TXNRD2: variants seen among roughly 807,000 people sequenced by gnomAD.
TXNRD2 encodes thioredoxin reductase 2.
A neutral mutation model predicts 70.8 loss-of-function variants in TXNRD2; 67 were observed. The observed-to-expected ratio is 0.95, with a 90% CI of 0.78 to 1.16. TXNRD2 has a LOEUF of 1.16. TXNRD2 is among the 50% of genes most tolerant of loss of function. TXNRD2 has a pLI of 0.00. For missense variants in TXNRD2, 644 were observed against 719.9 expected (o/e 0.89, Z 1.21); for synonymous variants, 301 against 295.8 (o/e 1.02, Z -0.18).
At chr22:19,887,507 C>T (rs1425105770) in intron 11 of TXNRD2, 3 of 152,260 alleles carry the variant, frequency 2.0e-5, no homozygotes, top group Non-Finnish European at 2.9e-5. Context: ...AGGGCCTCCA[C>T]ACGGGCCAAT....
rs148858157 is a variant in TXNRD2, at chr22:19,896,769, C to T, written c.775-1188G>A. Among the ~76,000 whole-genome samples, 11 of 152,314 alleles carry T rather than the reference C, an allele frequency of 7.2e-5. No individual in the cohort carries two copies. The East Asian group carries it at 1.7e-3, about 24-fold the overall frequency. On this transcript the variant is annotated intron_variant, in intron 10 of 17. Transcript: ENST00000400521. ...CTGCTAACATCCTCTGACACCTGTGCGGGTGTGCCAGCTGGCTCTAGATGG... is the reference window on the plus strand; with the variant it reads ...CTGCTAACATCCTCTGACACCTGTGTGGGTGTGCCAGCTGGCTCTAGATGG...
intron 2 of TXNRD2, among the ~76,000 whole-genome samples, chr22:19,926,874 G>A (rs551681942): frequency 7.2e-4 from 110 of 152,334 alleles, no homozygotes; most frequent in African/African-American, 2.5e-3. Flanking sequence ...GCCAGGGGCT[G>A]GGGAGAGGGG....
intron 10 of TXNRD2, 119 bp from the exon 11 acceptor site, chr22:19,895,700 G>C (rs957582722): frequency 2.2e-5 from 26 of 1,157,548 alleles, no homozygotes; most frequent in Non-Finnish European, 3.1e-5. Flanking sequence ...CGGAAGACGG[G>C]GTGAGACACC....
intron 1 of TXNRD2, among the ~76,000 whole-genome samples, chr22:19,938,539 T>G (rs1569118706): frequency 6.6e-6 from 1 of 152,190 alleles, no homozygotes; most frequent in Non-Finnish European, 1.5e-5. Flanking sequence ...CCTCCTGGCT[T>G]AAACATCCCA....
intron 7 of TXNRD2, among the ~76,000 whole-genome samples, chr22:19,912,466 C>T (rs1940456523): frequency 1.3e-5 from 2 of 152,186 alleles, no homozygotes; most frequent in African/African-American, 4.8e-5. Flanking sequence ...CCGTGAGGTG[C>T]AGAGCAGGGC....
chr22:19,933,624 AAC>A, intron 1 of TXNRD2: 1 of 647,758 alleles, frequency 1.5e-6, no homozygotes, highest in South Asian at 1.8e-5. Flanking sequence ...CGGGCTGATA[AAC>A]ACTGGCATAG....
In TXNRD2 at chr22:19,903,174, G is replaced by T. The variant is rs1253361059; in HGVS notation, c.663-4106C>A. Among the ~76,000 whole-genome samples the T allele has an allele frequency of 2.0e-5, 3 of 152,350 alleles. No homozygotes were observed. The South Asian group carries it at 6.2e-4, about 32-fold the overall frequency. On this transcript the variant is annotated intron_variant, in intron 8 of 17. Coordinates refer to ENST00000400521, the MANE Select transcript of TXNRD2 (RefSeq NM_006440.5). ...CAGCCCCTGAGCCAGCCTGGCAGCT[G>T]CAGGAGAGGCTGGCCCCATGCTCTG...
At chr22:19,941,231 T>C (rs905130217) in intron 1 of TXNRD2, among the ~76,000 whole-genome samples, 15 of 152,154 alleles carry the variant, frequency 9.9e-5, no homozygotes, top group Admixed American at 8.5e-4. Context: ...TGCTCAGTTA[T>C]GATTATTGTC....
chr22:19,930,953 G>C (rs555841602), intron 2 of TXNRD2, 77 bp downstream of exon 2: 1 of 1,403,962 alleles, frequency 7.1e-7, no homozygotes, highest in South Asian at 1.2e-5. Context: ...GCTCATGGAC[G>C]TTTTCTGGAC....
chr22:19,878,184 C>T lies in TXNRD2; in HGVS notation c.1351G>A (p.Val451Met). ...RDASQCYVKM[V>M]CLREPPQLVL... is the part of the protein sequence containing the mutation. ...AGCTGTGGGGGCTCCCTCAGGCACACCATCTGAAAGCCGCACATCTCAGCC... is the reference window on the plus strand; with the variant it reads ...AGCTGTGGGGGCTCCCTCAGGCACATCATCTGAAAGCCGCACATCTCAGCC... The change falls in exon 16 of 18, where the codon GTG (valine) becomes ATG (methionine). Residue 451 changes from valine (V) to methionine (M), a missense_variant. This residue lies in a region of TXNRD2 where 566 missense variants were observed against 645.0 expected (regional missense o/e 0.88). Coordinates refer to ENST00000400521, the MANE Select transcript of TXNRD2 (RefSeq NM_006440.5). 1 of 1,613,128 alleles carries T rather than the reference C, an allele frequency of 6.2e-7. No individual in the cohort carries two copies. The highest frequency in any genetic ancestry group is 8.5e-7 in the Non-Finnish European group (1 of 1,179,976).
intron 2 of TXNRD2, among the ~76,000 whole-genome samples, chr22:19,923,442 C>A (rs922769834): frequency 1.3e-5 from 2 of 152,152 alleles, no homozygotes; most frequent in African/African-American, 4.8e-5. Context: ...TGTCCTGGCT[C>A]TGGGCTGTAT....
chr22:19,933,224 C>T (rs117373339), intron 1 of TXNRD2, among the ~76,000 whole-genome samples: 1,632 of 152,364 alleles, frequency 0.011, 17 homozygotes, highest in Non-Finnish European at 0.015. Flanking sequence ...CCAAAGCACA[C>T]TCAATTCCTA....
intron 8 of TXNRD2, among the ~76,000 whole-genome samples, chr22:19,899,782 TACAC>T (rs1939688825): frequency 6.6e-6 from 1 of 152,204 alleles, no homozygotes; most frequent in African/African-American, 2.4e-5. Context: ...GGCACAAATG[TACAC>T]ACACACGCAC....
intron 14 of TXNRD2, among the ~76,000 whole-genome samples, chr22:19,879,652 C>A (rs919742411): frequency 1.3e-5 from 2 of 151,840 alleles, no homozygotes; most frequent in African/African-American, 4.8e-5. Context: ...AGGTCGGAGG[C>A]CCCTGGGAGA....
chr22:19,885,375 C>T lies in TXNRD2; in HGVS notation c.950-1914G>A, dbSNP rs1047265965. ...CTAAGCATCTGGAAGCTGAAGCTCCCGTGAGAGGGAACCCTTAAGTCTCCA... is the reference window on the plus strand; with the variant it reads ...CTAAGCATCTGGAAGCTGAAGCTCCTGTGAGAGGGAACCCTTAAGTCTCCA... On this transcript the variant is annotated intron_variant, in intron 11 of 17. Transcript: ENST00000400521. 2.6e-5 allele frequency among the ~76,000 whole-genome samples: 4 copies of T among 152,354 alleles called. 1 individual carries two copies. Among genetic ancestry groups the T allele is most frequent in the South Asian group, 4.1e-4 (2 of 4,828 alleles).
At chr22:19,876,847 C>T (rs1014693788) in intron 17 of TXNRD2, 193 bp downstream of exon 17, 6 of 392,426 alleles carry the variant, frequency 1.5e-5, no homozygotes, top group East Asian at 3.9e-5. Flanking sequence ...TGGGGTCCCC[C>T]GGGGAGGTTT....
chr22:19,918,775 G>T, intron 4 of TXNRD2, 85 bp downstream of exon 4: 1 of 1,537,822 alleles, frequency 6.5e-7, no homozygotes. Flanking sequence ...CTCCCCATGA[G>T]GGCTCATCGA....
intron 10 of TXNRD2, among the ~76,000 whole-genome samples, chr22:19,896,008 A>C (rs891182859): frequency 2.0e-5 from 3 of 151,880 alleles, no homozygotes; most frequent in South Asian, 2.1e-4. Context: ...AAAAGAAAAA[A>C]TAAGCAAGGC....
At chr22:19,938,271 T>G (rs1485492699) in intron 1 of TXNRD2, 1 of 152,210 alleles carries the variant, frequency 6.6e-6, no homozygotes, top group Non-Finnish European at 1.5e-5. Flanking sequence ...AAACTTATGG[T>G]GTCTGCCAAA....
Sources: gnomAD v4.1 joint callset for allele counts (sites outside exome capture counted in the v4.1 genomes callset) on GRCh38, gnomAD v4.1.1 for gene constraint, gnomAD v4.1.1 regional missense constraint, MANE v1.5 for transcripts, NCBI Gene and HGNC (gene_info 2026-07-23, HGNC 2026-07-21) for gene names.